TMEM163: variants seen among roughly 807,000 people sequenced by gnomAD.
TMEM163 encodes transmembrane protein 163.
In TMEM163, 17 loss-of-function variants were observed where a neutral mutation model predicts 29.3. The ratio of observed to expected loss-of-function variants is 0.58; its 90% CI spans 0.40 to 0.87. The LOEUF (loss-of-function observed/expected upper bound fraction) is 0.87. Ranked by LOEUF, TMEM163 falls within the 40% of genes least tolerant of loss-of-function variation. The pLI is 0.00. For synonymous variants in TMEM163, 157 were observed against 160.6 expected (o/e 0.98, Z 0.17); for missense variants, 303 against 381.5 (o/e 0.79, Z 1.71).
In TMEM163 at chr2:134,460,043, C is replaced by A. The variant is rs1458285145; in HGVS notation, c.668-1870G>T. Among the ~76,000 whole-genome samples the A allele has an allele frequency of 6.6e-6, 1 of 151,470 alleles. No individual in the cohort carries two copies. The highest frequency in any genetic ancestry group is 1.5e-5 in the Non-Finnish European group (1 of 67,944). ...AGGAGCCCATCTTCCCTTACACCAC[C>A]AACCTGCCCCTCGAGCCCCTTGCCA... On this transcript the variant is annotated intron_variant, in intron 6 of 7. Coordinates refer to ENST00000281924, the MANE Select transcript of TMEM163 (RefSeq NM_030923.5). The surrounding 1 kb of genome is among the most constrained non-coding windows in gnomAD (Gnocchi z 4.3).
chr2:134,473,535 C>CAAAAAA (rs59806390), intron 5 of TMEM163, among the ~76,000 whole-genome samples: 21 of 103,870 alleles, frequency 2.0e-4, no homozygotes, highest in African/African-American at 6.4e-4. Context: ...AACTCTGTCT[C>CAAAAAA]AAAAAAAAAA....
chr2:134,542,180 A>G (rs1284469706), intron 4 of TMEM163, among the ~76,000 whole-genome samples: 1 of 152,276 alleles, frequency 6.6e-6, no homozygotes, highest in Non-Finnish European at 1.5e-5. Context: ...AAACTCTTCC[A>G]GGATGACAAA....
intron 2 of TMEM163, among the ~76,000 whole-genome samples, chr2:134,702,898 C>T (rs1684734102): frequency 1.3e-5 from 2 of 152,118 alleles, no homozygotes. Flanking sequence ...AGGTCCCATG[C>T]AAAGGTGTAA....
intron 2 of TMEM163, among the ~76,000 whole-genome samples, chr2:134,647,959 C>T (rs1161148572): frequency 6.6e-6 from 1 of 152,222 alleles, no homozygotes; most frequent in Non-Finnish European, 1.5e-5. Flanking sequence ...ACAGTCAGTG[C>T]TCTTTCAGTG....
At chr2:134,488,553 C>A (rs1465982282) in intron 5 of TMEM163, among the ~76,000 whole-genome samples, 1 of 152,232 alleles carries the variant, frequency 6.6e-6, no homozygotes, top group Non-Finnish European at 1.5e-5. Context: ...CCATCGGCTT[C>A]CCTACTTTTG....
intron 2 of TMEM163, among the ~76,000 whole-genome samples, chr2:134,633,831 G>A (rs1435530047): frequency 6.6e-6 from 1 of 151,306 alleles, no homozygotes; most frequent in Non-Finnish European, 1.5e-5. Flanking sequence ...GTGTGGTGGT[G>A]TGCGCCTGCA....
chr2:134,712,721 T>C (rs1262238458), intron 2 of TMEM163, among the ~76,000 whole-genome samples: 2 of 152,184 alleles, frequency 1.3e-5, no homozygotes. Flanking sequence ...ACTGAAAACT[T>C]GACAGAAGAC....
intron 2 of TMEM163, among the ~76,000 whole-genome samples, chr2:134,683,153 G>A (rs574630381): frequency 6.6e-6 from 1 of 152,302 alleles, no homozygotes; most frequent in African/African-American, 2.4e-5. Flanking sequence ...TACTCTACAT[G>A]ATACTATAAT....
At chr2:134,660,513 TGAAAG>T (rs1172257705) in intron 2 of TMEM163, among the ~76,000 whole-genome samples, 1 of 152,244 alleles carries the variant, frequency 6.6e-6, no homozygotes, top group African/African-American at 2.4e-5. Flanking sequence ...GAGATCACTT[TGAAAG>T]GAAACTTTTT....
At chr2:134,504,055 C>T (rs1281731983) in intron 4 of TMEM163, among the ~76,000 whole-genome samples, 1 of 152,192 alleles carries the variant, frequency 6.6e-6, no homozygotes, top group Admixed American at 6.5e-5. Context: ...CAATCTTGCT[C>T]CAACTATCAA....
At chr2:134,540,551 G>C (rs1225333318) in intron 4 of TMEM163, among the ~76,000 whole-genome samples, 1 of 152,232 alleles carries the variant, frequency 6.6e-6, no homozygotes, top group Non-Finnish European at 1.5e-5. Context: ...GAAGGAGAGG[G>C]AAGGTGGAAT....
intron 2 of TMEM163, among the ~76,000 whole-genome samples, chr2:134,555,974 CAATTT>C (rs890965490): frequency 6.6e-6 from 1 of 152,160 alleles, no homozygotes. Context: ...TGGCACAATT[CAATTT>C]GAGCCAATGA....
chr2:134,604,052 AC>A (rs1051199341), intron 2 of TMEM163, among the ~76,000 whole-genome samples: 2 of 152,072 alleles, frequency 1.3e-5, no homozygotes, highest in Non-Finnish European at 2.9e-5. Context: ...TTTCTCCTGG[AC>A]TACTGCAATC....
intron 4 of TMEM163, among the ~76,000 whole-genome samples, chr2:134,512,256 G>A (rs757174146): frequency 1.3e-5 from 2 of 152,160 alleles, no homozygotes; most frequent in African/African-American, 2.4e-5. Context: ...TCAGGAGGTC[G>A]AGACTAGCCT....
chr2:134,504,149 T>C (rs988231566), intron 4 of TMEM163, among the ~76,000 whole-genome samples: 2 of 152,170 alleles, frequency 1.3e-5, no homozygotes, highest in Admixed American at 6.5e-5. Flanking sequence ...AATTTTGAAG[T>C]GGCACCTACT....
chr2:134,587,999 A>G (rs1236308251), intron 2 of TMEM163, among the ~76,000 whole-genome samples: 3 of 152,256 alleles, frequency 2.0e-5, no homozygotes, highest in Non-Finnish European at 4.4e-5. Context: ...AAGGCCAGAG[A>G]AAATGTAAAT....
intron 2 of TMEM163, among the ~76,000 whole-genome samples, chr2:134,646,947 G>A (rs990478140): frequency 1.3e-5 from 2 of 152,198 alleles, no homozygotes; most frequent in Admixed American, 1.3e-4. Context: ...GTCAGCCAAA[G>A]TTCATTCCCA....
Position 134,567,409 on chromosome 2 carries a change from G to A in TMEM163, c.323-15318C>T, listed in dbSNP as rs117007578. Among the ~76,000 whole-genome samples, 282 of 152,238 alleles carry A rather than the reference G, an allele frequency of 1.9e-3. 2 individuals are homozygous for A. The East Asian group carries it at 0.036, about 20-fold the overall frequency. On this transcript the variant is annotated intron_variant, in intron 2 of 7. Transcript: ENST00000281924. ...CAATATTCACAAAATAAAGAGTCAG[G>A]AGCTGGGCGTGGTGACTCACACCAG...
chr2:134,476,924 G>C (rs1686930277), intron 5 of TMEM163, among the ~76,000 whole-genome samples: 2 of 152,182 alleles, frequency 1.3e-5, no homozygotes. Flanking sequence ...CCCCAGTTGA[G>C]TGCCTTCTGT....
Sources: allele counts gnomAD v4.1 joint callset (sites outside exome capture counted in the v4.1 genomes callset), GRCh38; gene constraint gnomAD v4.1.1; non-coding constraint Gnocchi (gnomAD v3.1); transcripts MANE v1.5; gene names NCBI Gene and HGNC (gene_info 2026-07-23, HGNC 2026-07-21).